The following FBXO16 variants were observed in gnomAD, a reference collection of about 807,000 sequenced individuals.
FBXO16 encodes F-box only protein 16.
In FBXO16, 31 loss-of-function variants were observed where a neutral mutation model predicts 41.0. The observed-to-expected ratio is 0.76, with a 90% CI of 0.57 to 1.02. FBXO16 has a LOEUF of 1.02. Among genes scored for constraint, FBXO16 ranks in the 50% least tolerant of loss-of-function variants. The pLI, the probability that FBXO16 is intolerant of heterozygous loss-of-function variation, is 0.00. For synonymous variants in FBXO16, 133 were observed against 117.8 expected (o/e 1.13, Z -0.84); for missense variants, 361 against 346.2 (o/e 1.04, Z -0.34).
intron 3 of FBXO16, among the ~76,000 whole-genome samples, chr8:28,464,803 G>A (rs994383043): frequency 3.3e-5 from 5 of 151,960 alleles, no homozygotes; most frequent in Admixed American, 2.0e-4. Flanking sequence ...ACAGGCACGC[G>A]CCACCGCACC....
chr8:28,464,060 A>T (rs1337187930), intron 3 of FBXO16, among the ~76,000 whole-genome samples: 2 of 152,240 alleles, frequency 1.3e-5, no homozygotes, highest in Admixed American at 1.3e-4. Context: ...TTGCAGTCAC[A>T]TGTGAACAAT....
At chr8:28,484,786 G>T (rs1248367683) in intron 1 of FBXO16, among the ~76,000 whole-genome samples, 2 of 151,994 alleles carry the variant, frequency 1.3e-5, no homozygotes, top group East Asian at 1.9e-4. Flanking sequence ...GTAGAGACGG[G>T]GTTTCACCGT....
Position 28,463,669 on chromosome 8 carries a change from C to T in FBXO16, c.285G>A (p.Val95=). The T allele has an allele frequency of 6.2e-7, 1 of 1,614,166 alleles. No homozygotes were observed. The highest frequency in any genetic ancestry group is 8.5e-7 in the Non-Finnish European group (1 of 1,180,026). ...ALDFTTKLPR[V]LSLYIFSFLD... ...GGAAAGAAAAGATGTATAAAGATAA[C>T]ACCCTTGGAAGCTTGGTTGTAAAGT... Residue 95 remains valine (V), a synonymous_variant, in exon 4 of 9, where the codon GTG becomes GTA. Coordinates refer to ENST00000380254, the MANE Select transcript of FBXO16 (RefSeq NM_172366.4).
intron 7 of FBXO16, among the ~76,000 whole-genome samples, chr8:28,442,585 T>C (rs189902132): frequency 3.3e-5 from 5 of 151,980 alleles, no homozygotes; most frequent in African/African-American, 1.2e-4. Flanking sequence ...GGTTTCACCA[T>C]GTTGGCCAGG....
intron 6 of FBXO16, among the ~76,000 whole-genome samples, chr8:28,450,002 C>T (rs62502417): frequency 0.32 from 46,683 of 146,538 alleles, 7,727 homozygotes; most frequent in East Asian, 0.54. Flanking sequence ...AAAAGAAGGG[C>T]GATTTGCATA....
At chr8:28,437,718 G>C (rs1238802661) in intron 7 of FBXO16, among the ~76,000 whole-genome samples, 5 of 151,634 alleles carry the variant, frequency 3.3e-5, no homozygotes, top group Non-Finnish European at 7.4e-5. Context: ...ACCAAAATTT[G>C]AAAAATTAAC....
intron 3 of FBXO16, among the ~76,000 whole-genome samples, chr8:28,472,062 CTG>C (rs1446205000): frequency 5.3e-5 from 8 of 152,140 alleles, no homozygotes; most frequent in African/African-American, 1.7e-4. Context: ...TACTAAGCTA[CTG>C]TCCCCCAGAT....
intron 7 of FBXO16, among the ~76,000 whole-genome samples, chr8:28,442,893 G>T (rs1425067595): frequency 6.6e-6 from 1 of 152,172 alleles, no homozygotes; most frequent in Non-Finnish European, 1.5e-5. Flanking sequence ...GTTTCCCCAA[G>T]TATGGTTCTG....
At position 28,452,405 on chromosome 8, in the gene FBXO16, C is replaced by T. The variant is rs149428353; in HGVS notation, c.579G>A (p.Gln193=). 1.1e-5 allele frequency: 18 copies of T among 1,614,218 alleles called. No homozygotes were observed. In the South Asian group the frequency reaches 1.2e-4, roughly 11 times the overall value. Residue 193 remains glutamine (Q), a synonymous_variant, in exon 6 of 9, where the codon CAG becomes CAA. Coordinates refer to ENST00000380254, the MANE Select transcript of FBXO16 (RefSeq NM_172366.4). ...LVTSNSPEEK[Q]SPLSAFRSSS... is the part of the protein sequence containing the mutation. ...AGGACCGAAAAGCTGATAAAGGGGA[C>T]TGTTTTTCCTCTGGAGAATTGCTTG...
At chr8:28,430,399 A>G (rs1026162493) in intron 7 of FBXO16, among the ~76,000 whole-genome samples, 8 of 152,172 alleles carry the variant, frequency 5.3e-5, no homozygotes, top group African/African-American at 1.9e-4. Context: ...CACTTCATTG[A>G]ATCGACAGGT....
intron 4 of FBXO16, among the ~76,000 whole-genome samples, chr8:28,463,018 A>G (rs1803162164): frequency 6.6e-6 from 1 of 152,250 alleles, no homozygotes. Context: ...TTTGTTGTAC[A>G]CTAATGTGGC....
At chr8:28,477,462 A>G (rs371993536) in intron 2 of FBXO16, among the ~76,000 whole-genome samples, 12 of 152,182 alleles carry the variant, frequency 7.9e-5, no homozygotes, top group African/African-American at 2.2e-4. Context: ...CAATCCACTC[A>G]TTTTACAAAG....
intron 2 of FBXO16, among the ~76,000 whole-genome samples, chr8:28,475,669 T>C (rs975223867): frequency 3.3e-5 from 5 of 152,218 alleles, no homozygotes; most frequent in African/African-American, 1.2e-4. Flanking sequence ...GACCTTACAG[T>C]GTTTGTTTTG....
chr8:28,482,482 C>T (rs1191242963), intron 2 of FBXO16, among the ~76,000 whole-genome samples: 1 of 152,140 alleles, frequency 6.6e-6, no homozygotes, highest in African/African-American at 2.4e-5. Context: ...CAGTCTCACA[C>T]CCCAGCCGTC....
At chr8:28,463,241 TAC>T (rs1178666087) in intron 4 of FBXO16, among the ~76,000 whole-genome samples, 2 of 151,820 alleles carry the variant, frequency 1.3e-5, no homozygotes, top group Admixed American at 6.6e-5. Flanking sequence ...TGTGTTTGTG[TAC>T]ACGTTTGTGT....
intron 7 of FBXO16, among the ~76,000 whole-genome samples, chr8:28,432,455 T>C (rs189251852): frequency 5.9e-5 from 9 of 151,354 alleles, no homozygotes; most frequent in Admixed American, 4.6e-4. Flanking sequence ...GCCTGGGCAA[T>C]GGAGTGAGAC....
chr8:28,447,277 T>C lies in FBXO16; in HGVS notation c.741-4A>G, dbSNP rs1223081073. 1 of 1,609,618 alleles carries C rather than the reference T, an allele frequency of 6.2e-7. No homozygotes were observed. Among genetic ancestry groups the C allele is most frequent in the South Asian group, 1.1e-5 (1 of 90,830 alleles). Reference sequence around the variant, plus strand: ...CATTTGGTTTCTTTTTCTTCTTCTGTAAATTGGAAAGCAGTGGGAAAATTA... The same window carrying C: ...CATTTGGTTTCTTTTTCTTCTTCTGCAAATTGGAAAGCAGTGGGAAAATTA... On this transcript the variant is annotated splice_region_variant and splice_polypyrimidine_tract_variant and intron_variant, in intron 6 of 8. Coordinates refer to ENST00000380254, the MANE Select transcript of FBXO16 (RefSeq NM_172366.4).
rs146321891 is a variant in FBXO16 at position 28,436,145 on chromosome 8, G to A, written c.844-6742C>T. ...GCCTTCTTCTAAGAAGAAGGCCTAA[G>A]AGGCTGATGCTAGTCCCAGTCCCAG... On this transcript the variant is annotated intron_variant, in intron 7 of 8. Coordinates refer to ENST00000380254, the MANE Select transcript of FBXO16 (RefSeq NM_172366.4). Among the ~76,000 whole-genome samples the A allele has an allele frequency of 8.5e-5, 13 of 152,278 alleles. No individual in the cohort carries two copies. In the East Asian group the frequency reaches 9.6e-4, roughly 11 times the overall value.
chr8:28,482,602 C>T (rs1803532418), intron 2 of FBXO16, among the ~76,000 whole-genome samples: 1 of 152,088 alleles, frequency 6.6e-6, no homozygotes, highest in Admixed American at 6.6e-5. Context: ...ACAGAGTTTC[C>T]TCTTGTTGCC....
Sources: allele counts gnomAD v4.1 joint callset (sites outside exome capture counted in the v4.1 genomes callset), GRCh38; gene constraint gnomAD v4.1.1; transcripts MANE v1.5; gene names NCBI Gene and HGNC (gene_info 2026-07-23, HGNC 2026-07-21).